ABLIM2: variants seen among roughly 807,000 people sequenced by gnomAD.
The protein encoded by ABLIM2 is actin binding LIM protein family member 2.
ABLIM2 carries 53 observed loss-of-function variants against 97.7 expected under a neutral mutation model. The ratio of observed to expected loss-of-function variants is 0.54; its 90% CI spans 0.44 to 0.68. The LOEUF is 0.68. Ranked by LOEUF, ABLIM2 falls within the 30% of genes least tolerant of loss-of-function variation. ABLIM2 has a pLI of 0.00. For synonymous variants in ABLIM2, 361 were observed against 345.8 expected (o/e 1.04, Z -0.49); for missense variants, 835 against 867.2 (o/e 0.96, Z 0.47).
intron 8 of ABLIM2, among the ~76,000 whole-genome samples, chr4:8,048,500 G>C (rs1794000980): frequency 6.6e-6 from 1 of 151,084 alleles, no homozygotes; most frequent in Non-Finnish European, 1.5e-5. Flanking sequence ...CTGAGGCTCA[G>C]AGAGGGCTAG....
intron 20 of ABLIM2, among the ~76,000 whole-genome samples, chr4:7,975,398 G>C (rs1014283926): frequency 2.4e-4 from 37 of 152,308 alleles, no homozygotes; most frequent in African/African-American, 7.0e-4. Flanking sequence ...AGCCCTCCCA[G>C]AGTGGAAGAG....
rs545811298 is a variant in ABLIM2 at position 8,148,559 on chromosome 4, G to A, written c.10+10121C>T. On this transcript the variant is annotated intron_variant, in intron 1 of 20. Coordinates refer to ENST00000447017, the MANE Select transcript of ABLIM2 (RefSeq NM_001130083.2). This position sits in a 1 kb window ranked among gnomAD's most constrained non-coding sequence, Gnocchi z 6.7. ...GTGAAGTGGGAATACTGGTAGTCCC[G>A]AGCAAGGAGCTCTGATGTAAGGATT... Among the ~76,000 whole-genome samples the A allele has an allele frequency of 4.6e-5, 7 of 152,136 alleles. No homozygotes were observed. The highest frequency in any genetic ancestry group is 3.9e-4 in the East Asian group (2 of 5,194).
At position 7,996,424 on chromosome 4, in the gene ABLIM2, G is replaced by A. The variant is rs893636484; in HGVS notation, c.1619-3497C>T. 6.6e-6 allele frequency among the ~76,000 whole-genome samples: 1 copy of A among 152,162 alleles called. No homozygotes were observed. Among genetic ancestry groups the A allele is most frequent in the African/African-American group, 2.4e-5 (1 of 41,436 alleles). On this transcript the variant is annotated intron_variant, in intron 16 of 20. Coordinates refer to ENST00000447017, the MANE Select transcript of ABLIM2 (RefSeq NM_001130083.2). The surrounding 1 kb of genome is among the most constrained non-coding windows in gnomAD (Gnocchi z 4.5). ...GGTTCCCAGTGCCCAGGCTGCCGCC[G>A]ACCGGTCTCAACTTTTAACCACTTC...
chr4:8,096,843 G>C (rs1831872518), intron 3 of ABLIM2, among the ~76,000 whole-genome samples: 1 of 152,164 alleles, frequency 6.6e-6, no homozygotes, highest in Non-Finnish European at 1.5e-5. Context: ...GCCAGCACTT[G>C]CTGCATGCTT....
In ABLIM2 at chr4:8,137,911, C is replaced by T. The variant is rs148066720; in HGVS notation, c.10+20769G>A. ...GTCACATCAGCCAAGAGGCAGAAGCCGCCCAGGTGCCCTCCGGCAAATGAA... is the reference window on the plus strand; with the variant it reads ...GTCACATCAGCCAAGAGGCAGAAGCTGCCCAGGTGCCCTCCGGCAAATGAA... On this transcript the variant is annotated intron_variant, in intron 1 of 20. Coordinates refer to ENST00000447017, the MANE Select transcript of ABLIM2 (RefSeq NM_001130083.2). 1.5e-3 allele frequency among the ~76,000 whole-genome samples: 235 copies of T among 152,362 alleles called. 1 individual carries two copies. The highest frequency in any genetic ancestry group is 5.2e-3 in the African/African-American group (216 of 41,580).
chr4:8,096,515 C>T (rs1243263749), intron 3 of ABLIM2, among the ~76,000 whole-genome samples: 1 of 152,226 alleles, frequency 6.6e-6, no homozygotes, highest in East Asian at 1.9e-4. Context: ...TCCTTAGCAT[C>T]CTCTGACGAA....
chr4:8,041,869 A>G (rs1334917502), intron 9 of ABLIM2, among the ~76,000 whole-genome samples: 1 of 151,706 alleles, frequency 6.6e-6, no homozygotes, highest in Non-Finnish European at 1.5e-5. Flanking sequence ...GCACCACTGC[A>G]CTCCAGCCTG....
At chr4:8,057,059 C>T (rs1383437833) in intron 7 of ABLIM2, among the ~76,000 whole-genome samples, 1 of 150,418 alleles carries the variant, frequency 6.6e-6, no homozygotes, top group Admixed American at 6.6e-5. Flanking sequence ...TACTCCTCTC[C>T]TGATCTTTCT....
chr4:8,114,428 C>T (rs185870246), intron 1 of ABLIM2, among the ~76,000 whole-genome samples: 3 of 152,320 alleles, frequency 2.0e-5, no homozygotes, highest in Admixed American at 6.5e-5. Flanking sequence ...AACCCCCGCC[C>T]GTGCCTTACA....
rs553933392 is a variant in ABLIM2, at chr4:8,058,422, A to T, written c.763+2545T>A. ...TGACAATGGCCGCATGAGGTCATTC[A>T]ACAGCCCGCAGGCACCTGCACGGCA... On this transcript the variant is annotated intron_variant, in intron 7 of 20. Coordinates refer to ENST00000447017, the MANE Select transcript of ABLIM2 (RefSeq NM_001130083.2). The surrounding 1 kb of genome is among the most constrained non-coding windows in gnomAD (Gnocchi z 4.2). 2.6e-4 allele frequency among the ~76,000 whole-genome samples: 40 copies of T among 152,188 alleles called. No individual in the cohort carries two copies. The highest frequency in any genetic ancestry group is 5.1e-4 in the Non-Finnish European group (35 of 68,020).
chr4:8,027,832 A>T lies in ABLIM2; in HGVS notation c.1194T>A (p.Ser398Arg). Residue 398 changes from serine (S) to arginine (R), a missense_variant, in exon 12 of 21, where the codon AGT (serine) becomes AGA (arginine). Transcript: ENST00000447017. Reference sequence around the variant, plus strand: ...GGTGTTGGGACAGGGAGAGGCAGCTACTGGTACCCACACTCACAGTACCAG... The same window carrying T: ...GGTGTTGGGACAGGGAGAGGCAGCTTCTGGTACCCACACTCACAGTACCAG... Reference protein sequence around the residue: ...RPAGTVSVGTSSCLSLSQHPS... With the variant: ...RPAGTVSVGTRSCLSLSQHPS... 1 of 1,598,982 alleles carries T rather than the reference A, an allele frequency of 6.3e-7. No individual in the cohort carries two copies. Among genetic ancestry groups the T allele is most frequent in the Non-Finnish European group, 8.5e-7 (1 of 1,173,422 alleles).
chr4:8,035,609 C>T (rs1358648000), intron 10 of ABLIM2, among the ~76,000 whole-genome samples: 1 of 152,182 alleles, frequency 6.6e-6, no homozygotes, highest in African/African-American at 2.4e-5. Context: ...GGGAAATGGA[C>T]AGAGCAGCTC....
chr4:8,042,297 A>G (rs1296161050), intron 9 of ABLIM2, among the ~76,000 whole-genome samples: 1 of 152,214 alleles, frequency 6.6e-6, no homozygotes, highest in Non-Finnish European at 1.5e-5. Context: ...AAGCCTAGAA[A>G]CATGAGTCTA....
At position 7,965,560 on chromosome 4, in the gene ABLIM2, A is replaced by G. The variant is rs73214071; in HGVS notation, c.*1430T>C. 2,906 of 152,580 alleles carry G rather than the reference A, an allele frequency of 0.019. 21 individuals carry two copies. Among genetic ancestry groups the G allele is most frequent in the Non-Finnish European group, 0.032 (2,145 of 68,046 alleles). 9.5% of individuals were successfully genotyped at this position (152,580 alleles called of 1,614,324 possible). A position where few individuals can be genotyped will look rare whatever the true frequency, so the allele number is the denominator to read the frequency against. The stretch of plus-strand genomic sequence containing the variant: ...AACGGAGTAAGGCCGACTCACAGGC[A>G]GGAACATCGGGACACACACAAAGAG... On this transcript the variant is annotated 3_prime_UTR_variant, in exon 21 of 21. Transcript: ENST00000447017.
rs1041931258 is a variant in ABLIM2 at position 8,015,020 on chromosome 4, A to G, written c.1423+4598T>C. 5.3e-5 allele frequency among the ~76,000 whole-genome samples: 8 copies of G among 151,518 alleles called. No individual in the cohort carries two copies. The highest frequency in any genetic ancestry group is 7.4e-5 in the Non-Finnish European group (5 of 67,898). Reference sequence around the variant, plus strand: ...ACTGCAACCTCCGCCTCCCAGGTTCAAGCAATTCTCGTACTTCAGCCTCCC... The same window carrying G: ...ACTGCAACCTCCGCCTCCCAGGTTCGAGCAATTCTCGTACTTCAGCCTCCC... On this transcript the variant is annotated intron_variant, in intron 14 of 20. Transcript: ENST00000447017. This position sits in a 1 kb window ranked among gnomAD's most constrained non-coding sequence, Gnocchi z 4.6.
chr4:8,098,222 C>A (rs966096863), intron 2 of ABLIM2, among the ~76,000 whole-genome samples: 1 of 152,238 alleles, frequency 6.6e-6, no homozygotes, highest in Admixed American at 6.5e-5. Context: ...CCCAGCCCCT[C>A]TGGCCTGGTC....
Position 8,088,261 on chromosome 4 carries a change from C to A in ABLIM2, c.362G>T (p.Arg121Leu). 1.2e-6 allele frequency: 2 copies of A among 1,612,912 alleles called. No homozygotes were observed. The highest frequency in any genetic ancestry group is 1.7e-6 in the Non-Finnish European group (2 of 1,179,558). The change falls in exon 4 of 21, where the codon CGA becomes CTA. Residue 121 changes from arginine (R) to leucine (L), a missense_variant. Transcript: ENST00000447017. ...GCATTCCTTCCCGTTGAAGGTCACT[C>A]GGTCCCCGGGGGGGAAGGGCAGCCT... ...VCRLPFPPGDRVTFNGKECMC... is the reference protein window; with the variant it reads ...VCRLPFPPGDLVTFNGKECMC...
At position 8,122,017 on chromosome 4, in the gene ABLIM2, C is replaced by T. The variant is rs541463474; in HGVS notation, c.11-15380G>A. ...AGCTGAGGGGCTGAGCTAGTCCCACCAGGGACCCCACTCTCTCTCCAGGCA... is the reference window on the plus strand; with the variant it reads ...AGCTGAGGGGCTGAGCTAGTCCCACTAGGGACCCCACTCTCTCTCCAGGCA... On this transcript the variant is annotated intron_variant, in intron 1 of 20. Coordinates refer to ENST00000447017, the MANE Select transcript of ABLIM2 (RefSeq NM_001130083.2). The surrounding 1 kb of genome is among the most constrained non-coding windows in gnomAD (Gnocchi z 4.1). Among the ~76,000 whole-genome samples, 9 of 152,322 alleles carry T rather than the reference C, an allele frequency of 5.9e-5. No individual in the cohort carries two copies. The highest frequency in any genetic ancestry group is 1.9e-4 in the African/African-American group (8 of 41,576).
chr4:8,101,123 T>C (rs1341641616), intron 2 of ABLIM2, among the ~76,000 whole-genome samples: 1 of 152,192 alleles, frequency 6.6e-6, no homozygotes, highest in Non-Finnish European at 1.5e-5. Context: ...GAGATGCCAA[T>C]TCACATCAAA....
Sources: gnomAD v4.1 joint callset for allele counts (sites outside exome capture counted in the v4.1 genomes callset) on GRCh38, gnomAD v4.1.1 for gene constraint, Gnocchi (gnomAD v3.1) non-coding constraint, MANE v1.5 for transcripts, NCBI Gene and HGNC (gene_info 2026-07-23, HGNC 2026-07-21) for gene names.